The following HIVEP3 variants were observed in gnomAD, a reference collection of about 807,000 sequenced individuals.
HIVEP3 encodes HIVEP zinc finger 3.
Under a neutral mutation model 152.8 loss-of-function variants are expected in HIVEP3, and 49 were observed. The ratio of observed to expected loss-of-function variants is 0.32; its 90% CI spans 0.26 to 0.41. The LOEUF is 0.41. Among genes scored for constraint, HIVEP3 ranks in the 10% least tolerant of loss-of-function variants. The pLI is 1.00. For synonymous variants in HIVEP3, 1,269 were observed against 1,289.0 expected, an observed-to-expected ratio of 0.98 and a Z score of 0.33; for missense variants, 2,790 against 3,103.3, an observed-to-expected ratio of 0.90 and a Z score of 2.40.
At chr1:41,577,851 T>C (rs1046332811) in intron 4 of HIVEP3, among the ~76,000 whole-genome samples, 6 of 152,198 alleles carry the variant, frequency 3.9e-5, no homozygotes, top group African/African-American at 1.2e-4. Flanking sequence ...TGTAGTTGTA[T>C]AAAAGGCCTT....
chr1:41,597,872 T>C (rs1644689210), intron 3 of HIVEP3, among the ~76,000 whole-genome samples: 1 of 152,100 alleles, frequency 6.6e-6, no homozygotes, highest in South Asian at 2.1e-4. Flanking sequence ...CAGCCTTACC[T>C]CACCTACACA....
intron 1 of HIVEP3, among the ~76,000 whole-genome samples, chr1:42,023,782 T>G (rs1252039154): frequency 6.6e-6 from 1 of 152,224 alleles, no homozygotes; most frequent in African/African-American, 2.4e-5. Flanking sequence ...TCCAGAACCA[T>G]GAACCAATGA....
At position 41,584,624 on chromosome 1, in the gene HIVEP3, G is replaced by C. The variant is rs1171417672; in HGVS notation, c.174C>G (p.Pro58=). The change falls in exon 4 of 9, where the codon CCC becomes CCG. Residue 58 remains proline (P), a synonymous_variant. Transcript: ENST00000372583. The surrounding 1 kb of genome is among the most constrained non-coding windows in gnomAD (Gnocchi z 5.2). Reference sequence around the variant, plus strand: ...TAAGAACTGATGAGGGGCCCGGGAAGGGCTGCGGGGCTAAGAGCTCTTGGG... The same window carrying C: ...TAAGAACTGATGAGGGGCCCGGGAACGGCTGCGGGGCTAAGAGCTCTTGGG... ...SPAQELLAPQ[P]FPGPSSVLRE... 3.1e-6 allele frequency: 5 copies of C among 1,608,138 alleles called. No homozygotes were observed. Among genetic ancestry groups the C allele is most frequent in the Non-Finnish European group, 4.2e-6 (5 of 1,176,526 alleles).
chr1:41,848,048 C>T (rs1228712146), intron 1 of HIVEP3: 1 of 152,176 alleles, frequency 6.6e-6, no homozygotes, highest in African/African-American at 2.4e-5. Context: ...TCAGATAAGA[C>T]AGTTTAATCC....
intron 5 of HIVEP3, among the ~76,000 whole-genome samples, chr1:41,562,812 A>C (rs914559785): frequency 6.6e-6 from 1 of 152,164 alleles, no homozygotes; most frequent in Non-Finnish European, 1.5e-5. Context: ...TCTGATTTAC[A>C]TCCCAGGATC....
At chr1:41,880,630 A>C (rs1263547236) in intron 1 of HIVEP3, among the ~76,000 whole-genome samples, 1 of 152,198 alleles carries the variant, frequency 6.6e-6, no homozygotes, top group Non-Finnish European at 1.5e-5. Flanking sequence ...TTCTATTTTA[A>C]TTTTTAAGAA....
chr1:41,516,939 T>C (rs959375052), intron 7 of HIVEP3, among the ~76,000 whole-genome samples: 10 of 152,244 alleles, frequency 6.6e-5, no homozygotes, highest in African/African-American at 2.4e-4. Flanking sequence ...CCTGCTCTAC[T>C]CCACCATCGT....
At chr1:41,812,181 C>G (rs1214638690) in intron 1 of HIVEP3, among the ~76,000 whole-genome samples, 1 of 152,196 alleles carries the variant, frequency 6.6e-6, no homozygotes, top group Admixed American at 6.5e-5. Context: ...TAGAGGCAGT[C>G]CTTCCCTTTA....
intron 3 of HIVEP3, among the ~76,000 whole-genome samples, chr1:41,622,889 GC>G (rs1241634377): frequency 2.0e-5 from 3 of 152,234 alleles, no homozygotes; most frequent in Non-Finnish European, 4.4e-5. Context: ...GTTGCTATGT[GC>G]CCACACTGGG....
intron 1 of HIVEP3, among the ~76,000 whole-genome samples, chr1:41,889,216 C>T (rs1158057232): frequency 2.0e-5 from 3 of 152,040 alleles, no homozygotes; most frequent in African/African-American, 7.3e-5. Flanking sequence ...ACATACACCA[C>T]ACACCCCACA....
chr1:41,931,210 T>C (rs917197067), intron 1 of HIVEP3, among the ~76,000 whole-genome samples: 3 of 152,132 alleles, frequency 2.0e-5, no homozygotes, highest in Non-Finnish European at 4.4e-5. Flanking sequence ...TATTTTCTCC[T>C]GTGATTTTTT....
chr1:41,906,769 C>T (rs141265715), intron 1 of HIVEP3, among the ~76,000 whole-genome samples: 32 of 151,954 alleles, frequency 2.1e-4, no homozygotes, highest in African/African-American at 7.2e-4. Flanking sequence ...CTGAAGCTAA[C>T]GGTGAGAGTT....
intron 1 of HIVEP3, among the ~76,000 whole-genome samples, chr1:41,748,240 G>A (rs1647102453): frequency 6.6e-6 from 1 of 152,178 alleles, no homozygotes; most frequent in Non-Finnish European, 1.5e-5. Context: ...GTTCCTCTGG[G>A]TGAGGAACTT....
intron 4 of HIVEP3, among the ~76,000 whole-genome samples, chr1:41,577,734 G>A (rs936096355): frequency 6.6e-6 from 1 of 152,148 alleles, no homozygotes; most frequent in Non-Finnish European, 1.5e-5. Flanking sequence ...TGTCAGCTCA[G>A]TACAGTAAAG....
chr1:41,655,481 G>A (rs986176281), intron 2 of HIVEP3, among the ~76,000 whole-genome samples: 18 of 150,316 alleles, frequency 1.2e-4, no homozygotes, highest in Non-Finnish European at 1.8e-4. Context: ...TACTTGGGAC[G>A]CTGAGGTGAC....
intron 5 of HIVEP3, among the ~76,000 whole-genome samples, chr1:41,573,638 A>G (rs1644283884): frequency 6.6e-6 from 1 of 152,226 alleles, no homozygotes; most frequent in Non-Finnish European, 1.5e-5. Context: ...CCATTTTTTG[A>G]GCAGCTATGA....
At chr1:41,768,958 A>G (rs1648180393) in intron 1 of HIVEP3, among the ~76,000 whole-genome samples, 1 of 152,160 alleles carries the variant, frequency 6.6e-6, no homozygotes, top group South Asian at 2.1e-4. Flanking sequence ...TCCAACCCTT[A>G]CAGAAAAGAG....
At chr1:41,563,989 C>G (rs868734515) in intron 5 of HIVEP3, among the ~76,000 whole-genome samples, 2 of 152,076 alleles carry the variant, frequency 1.3e-5, no homozygotes, top group Non-Finnish European at 2.9e-5. Flanking sequence ...GTCTGGAGAT[C>G]GAAACCAGCC....
Position 41,510,894 on chromosome 1 carries a change from C to A in HIVEP3, c.6778G>T (p.Val2260Phe). The stretch of plus-strand genomic sequence containing the variant: ...TCTGAGGAGAGTGTGAATTTGGAGA[C>A]CTTAGCCACAGGCGACACGGAGGCT... ...SSASVSPVAKVSKFTLSSELE... is the reference protein window; with the variant it reads ...SSASVSPVAKFSKFTLSSELE... The change falls in exon 9 of 9, where the codon GTC (valine) becomes TTC (phenylalanine). Residue 2260 changes from valine to phenylalanine, a missense_variant. This residue lies in a region of HIVEP3 where 816 missense variants were observed against 806.5 expected (regional missense o/e 1.01). Coordinates refer to ENST00000372583, the MANE Select transcript of HIVEP3 (RefSeq NM_024503.5). The A allele has an allele frequency of 6.2e-7, 1 of 1,613,488 alleles. No individual in the cohort carries two copies. The highest frequency in any genetic ancestry group is 8.5e-7 in the Non-Finnish European group (1 of 1,179,864).
Sources: gnomAD v4.1 joint callset for allele counts (sites outside exome capture counted in the v4.1 genomes callset) on GRCh38, gnomAD v4.1.1 for gene constraint, gnomAD v4.1.1 regional missense constraint, Gnocchi (gnomAD v3.1) non-coding constraint, MANE v1.5 for transcripts, NCBI Gene and HGNC (gene_info 2026-07-23, HGNC 2026-07-21) for gene names.